DNAH17: variants seen among roughly 807,000 people sequenced by gnomAD.
DNAH17 encodes axonemal beta dynein heavy chain 17.
DNAH17 carries 376 observed loss-of-function variants against 485.6 expected under a neutral mutation model. The observed-to-expected ratio is 0.77, with a 90% CI of 0.71 to 0.84. DNAH17 has a LOEUF of 0.84. Among genes scored for constraint, DNAH17 ranks in the 40% least tolerant of loss-of-function variants. The pLI, the probability that DNAH17 is intolerant of heterozygous loss-of-function variation, is 0.00. For synonymous variants in DNAH17, 3,031 were observed against 2,405.9 expected (o/e 1.26, Z -7.60); for missense variants, 6,370 against 5,839.3 (o/e 1.09, Z -2.96).
At chr17:78,432,526 G>C (rs963650830) in intron 75 of DNAH17, among the ~76,000 whole-genome samples, 1 of 152,206 alleles carries the variant, frequency 6.6e-6, no homozygotes, top group Non-Finnish European at 1.5e-5. Context: ...AGGGAACTAA[G>C]CATACCAAGT....
In DNAH17 at chr17:78,468,715, T is replaced by C. The variant is rs767320884; in HGVS notation, c.8680A>G (p.Ile2894Val). The change falls in exon 55 of 81, where the codon ATC becomes GTC. Residue 2894 changes from isoleucine to valine, a missense_variant. Transcript: ENST00000389840. ...TTGACTTGGGGTCGCATGGAGGAGA[T>C]GATGTTCTCCACCTCGTCCTCCATA... ...LFMEDEVENI[I>V]SSMRPQVKSL... The C allele has an allele frequency of 5.6e-6, 9 of 1,613,892 alleles. No homozygotes were observed. Among genetic ancestry groups the C allele is most frequent in the Non-Finnish European group, 7.6e-6 (9 of 1,179,896 alleles).
chr17:78,485,790 G>T (rs778483289), intron 46 of DNAH17, 33 bp from the exon 47 acceptor site: 1 of 1,602,132 alleles, frequency 6.2e-7, no homozygotes, highest in South Asian at 1.1e-5. Flanking sequence ...AGGGAGCTGT[G>T]ATTCTCAGAC....
At chr17:78,463,454 G>A (rs182521740) in intron 56 of DNAH17, among the ~76,000 whole-genome samples, 6 of 151,716 alleles carry the variant, frequency 4.0e-5, no homozygotes, top group Non-Finnish European at 8.8e-5. Context: ...TCACATACCT[G>A]TATATATACA....
Position 78,429,115 on chromosome 17 carries a change from C to CCTTA in DNAH17, c.12405+2_12405+5dup. The CCTTA allele has an allele frequency of 6.2e-7, 1 of 1,612,346 alleles. No homozygotes were observed. Among genetic ancestry groups the CCTTA allele is most frequent in the Non-Finnish European group, 8.5e-7 (1 of 1,178,862 alleles). On this transcript the variant is annotated splice_donor_region_variant and intron_variant, in intron 76 of 80. Coordinates refer to ENST00000389840, the MANE Select transcript of DNAH17 (RefSeq NM_173628.4). Reference sequence around the variant, plus strand: ...GTTGAGCTCCTGTTTAACTTGTCATCCTTACCTTGTAGTCCAGGTTGGGGG... The same window carrying CCTTA: ...GTTGAGCTCCTGTTTAACTTGTCATCCTTACTTACCTTGTAGTCCAGGTTGGGGG...
Position 78,424,001 on chromosome 17 carries a change from G to A in DNAH17, c.13294C>T (p.Arg4432Cys), listed in dbSNP as rs149800703. ...YECPVYKTRI[R>C]GPTYVWTFNL... ...AAGGTCCAGACATAGGTGGGGCCGCGGATGCGTGTTTTGTACACGGGACAC... is the reference window on the plus strand; with the variant it reads ...AAGGTCCAGACATAGGTGGGGCCGCAGATGCGTGTTTTGTACACGGGACAC... The change falls in exon 81 of 81, where the codon CGC becomes TGC. Residue 4432 changes from arginine (R) to cysteine (C), a missense_variant. Coordinates refer to ENST00000389840, the MANE Select transcript of DNAH17 (RefSeq NM_173628.4). The A allele has an allele frequency of 5.5e-5, 88 of 1,614,020 alleles. No individual in the cohort carries two copies. The highest frequency in any genetic ancestry group is 2.3e-4 in the Admixed American group (14 of 60,028).
intron 11 of DNAH17, among the ~76,000 whole-genome samples, chr17:78,564,088 C>A (rs1333126417): frequency 6.6e-6 from 1 of 152,138 alleles, no homozygotes; most frequent in African/African-American, 2.4e-5. Flanking sequence ...CTCCATTCTG[C>A]AGAGGTCGGG....
Position 78,574,697 on chromosome 17 carries a change from G to T in DNAH17, c.345+16C>A, listed in dbSNP as rs774442042. On this transcript the variant is annotated intron_variant, in intron 2 of 80. Transcript: ENST00000389840. ...GTCGTGCTCGACACCCCGGATGGCA[G>T]CCTGGACGCACTCACCTCCTCCACC... 2 of 1,580,788 alleles carry T rather than the reference G, an allele frequency of 1.3e-6. No individual in the cohort carries two copies. Among genetic ancestry groups the T allele is most frequent in the Non-Finnish European group, 1.7e-6 (2 of 1,160,820 alleles).
Position 78,449,702 on chromosome 17 carries a change from G to C in DNAH17, c.11041-118C>G, listed in dbSNP as rs1007954715. 1.2e-5 allele frequency: 13 copies of C among 1,098,342 alleles called. No individual in the cohort carries two copies. The African/African-American group carries it at 1.6e-4, about 13-fold the overall frequency. The allele number at this position is 1,098,342 out of a possible 1,614,324, so 68.0% of individuals were successfully genotyped here. ...CAGTTTGTTTTGTTTCTTTGAGACA[G>C]AGTCTTGCTCTGTCGCCCAGGCTGG... On this transcript the variant is annotated intron_variant, in intron 68 of 80. Transcript: ENST00000389840.
At chr17:78,501,440 GC>G in intron 34 of DNAH17, 96 bp from the exon 35 acceptor site, 1 of 1,427,806 alleles carries the variant, frequency 7.0e-7, no homozygotes, top group Non-Finnish European at 9.3e-7. Context: ...GTCCCCTGCT[GC>G]CCAGGGAACC....
chr17:78,486,406 G>T lies in DNAH17; in HGVS notation c.6919C>A (p.Arg2307Ser), dbSNP rs779251038. 7 of 1,613,724 alleles carry T rather than the reference G, an allele frequency of 4.3e-6. No individual in the cohort carries two copies. Among genetic ancestry groups the T allele is most frequent in the Admixed American group, 1.7e-5 (1 of 60,008 alleles). ...KYLPTCLDKL[R>S]FGFKKITPVP... ...GGCGTGATCTTCTTGAACCCAAAGC[G>T]CAACTTGTCCAGGCACGTGGGCAGG... is the stretch of plus-strand genomic sequence containing the variant. The change falls in exon 45 of 81, where the codon CGC becomes AGC. Residue 2307 changes from arginine to serine, a missense_variant. Transcript: ENST00000389840.
chr17:78,552,505 A>G (rs1460322322), intron 15 of DNAH17, among the ~76,000 whole-genome samples, 192 bp downstream of exon 15: 3 of 134,038 alleles, frequency 2.2e-5, no homozygotes, highest in Non-Finnish European at 4.7e-5. Flanking sequence ...TAAGTGACAC[A>G]GATGGGCTTT....
chr17:78,461,761 C>A (rs1446234238), intron 57 of DNAH17, 53 bp from the exon 58 acceptor site: 1 of 1,553,036 alleles, frequency 6.4e-7, no homozygotes, highest in African/African-American at 1.4e-5. Context: ...CCGACACACG[C>A]CGCCCTGCAC....
chr17:78,492,780 G>T lies in DNAH17; in HGVS notation c.6409-15C>A. ...GATTTGAGGACCTGGCGAAGGTGGGGGTCACTCACGTGTGACTCCATGTTC... is the reference window on the plus strand; with the variant it reads ...GATTTGAGGACCTGGCGAAGGTGGGTGTCACTCACGTGTGACTCCATGTTC... On this transcript the variant is annotated splice_polypyrimidine_tract_variant and intron_variant, in intron 41 of 80. Coordinates refer to ENST00000389840, the MANE Select transcript of DNAH17 (RefSeq NM_173628.4). 6.2e-7 allele frequency: 1 copy of T among 1,609,126 alleles called. No individual in the cohort carries two copies. Among genetic ancestry groups the T allele is most frequent in the Non-Finnish European group, 8.5e-7 (1 of 1,177,676 alleles).
chr17:78,468,704 C>T lies in DNAH17; in HGVS notation c.8691G>A (p.Met2897Ile). The stretch of plus-strand genomic sequence containing the variant: ...TGCCAAGGGACTTGACTTGGGGTCG[C>T]ATGGAGGAGATGATGTTCTCCACCT... ...EDEVENIISS[M>I]RPQVKSLGMN... The change falls in exon 55 of 81, where the codon ATG (methionine) becomes ATA (isoleucine). Residue 2897 changes from methionine (M) to isoleucine (I), a missense_variant. By Grantham distance (10) the Met-to-Ile change is conservative. Coordinates refer to ENST00000389840, the MANE Select transcript of DNAH17 (RefSeq NM_173628.4). 1 of 1,614,042 alleles carries T rather than the reference C, an allele frequency of 6.2e-7. No homozygotes were observed. Among genetic ancestry groups the T allele is most frequent in the Non-Finnish European group, 8.5e-7 (1 of 1,179,902 alleles).
At chr17:78,485,161 A>G in intron 47 of DNAH17, 128 bp from the exon 48 acceptor site, 1 of 1,255,778 alleles carries the variant, frequency 8.0e-7, no homozygotes, top group Non-Finnish European at 1.1e-6. Context: ...AGTTTACCAA[A>G]GGTACCTGCC....
intron 71 of DNAH17, among the ~76,000 whole-genome samples, chr17:78,442,400 G>C (rs2087110178): frequency 6.6e-6 from 1 of 152,220 alleles, no homozygotes; most frequent in African/African-American, 2.4e-5. Context: ...ACTGGGGCCA[G>C]CCTCAGGCAA....
At chr17:78,538,481 G>T (rs1194509747) in intron 18 of DNAH17, among the ~76,000 whole-genome samples, 1 of 152,200 alleles carries the variant, frequency 6.6e-6, no homozygotes, top group Non-Finnish European at 1.5e-5. Flanking sequence ...TGGACCTGTG[G>T]GTTATGAGCT....
rs2088395912 is a variant in DNAH17 at position 78,465,623 on chromosome 17, C to T, written c.8940+1032G>A. Among the ~76,000 whole-genome samples the T allele has an allele frequency of 2.0e-5, 3 of 151,430 alleles. No individual in the cohort carries two copies. In the South Asian group the frequency reaches 6.2e-4, roughly 32 times the overall value. On this transcript the variant is annotated intron_variant, in intron 56 of 80. Transcript: ENST00000389840. Reference sequence around the variant, plus strand: ...GAGGAGCGCCTCTGCCCGGCCGAGACCCCGTCTGGGAGGTGAGGAGCGTCT... The same window carrying T: ...GAGGAGCGCCTCTGCCCGGCCGAGATCCCGTCTGGGAGGTGAGGAGCGTCT...
chr17:78,506,067 T>C (rs1283037851), intron 30 of DNAH17, among the ~76,000 whole-genome samples: 1 of 152,090 alleles, frequency 6.6e-6, no homozygotes, highest in Non-Finnish European at 1.5e-5. Context: ...TATTCTTGCA[T>C]ATCCCTTCTT....
Sources: allele counts gnomAD v4.1 joint callset (sites outside exome capture counted in the v4.1 genomes callset), GRCh38; gene constraint gnomAD v4.1.1; transcripts MANE v1.5; gene names NCBI Gene and HGNC (gene_info 2026-07-23, HGNC 2026-07-21).